CDH13: variants seen among roughly 807,000 people sequenced by gnomAD.
The protein encoded by CDH13 is cadherin 13, also known as cadherin-13.
Under a neutral mutation model 63.8 loss-of-function variants are expected in CDH13, and 24 were observed. The observed-to-expected ratio is 0.38, with a 90% CI of 0.27 to 0.53. The LOEUF (loss-of-function observed/expected upper bound fraction) is 0.53, where lower values mean the gene tolerates loss of function less well. Ranked by LOEUF, CDH13 falls within the 20% of genes least tolerant of loss-of-function variation. CDH13 has a pLI of 0.85. For missense variants in CDH13, 1,049 were observed against 903.1 expected (o/e 1.16, Z -2.07); for synonymous variants, 503 against 355.3 (o/e 1.42, Z -4.67).
chr16:83,327,557 C>G (rs1394429625), intron 5 of CDH13, among the ~76,000 whole-genome samples: 1 of 152,140 alleles, frequency 6.6e-6, no homozygotes, highest in Non-Finnish European at 1.5e-5. Context: ...GGAAACAAGA[C>G]AGACAAATTC....
chr16:83,791,137 G>A (rs1309384844), intron 13 of CDH13, among the ~76,000 whole-genome samples: 1 of 151,890 alleles, frequency 6.6e-6, no homozygotes, highest in African/African-American at 2.4e-5. Context: ...AGGCAAGATA[G>A]TGAGACCCCC....
chr16:83,146,882 G>T (rs1024715503), intron 4 of CDH13, among the ~76,000 whole-genome samples: 1 of 152,238 alleles, frequency 6.6e-6, no homozygotes, highest in Admixed American at 6.5e-5. Context: ...GAGGTCAGGA[G>T]TTCGAAGTTA....
chr16:83,675,394 C>T (rs931350860), intron 9 of CDH13, among the ~76,000 whole-genome samples: 1 of 152,152 alleles, frequency 6.6e-6, no homozygotes, highest in East Asian at 1.9e-4. Flanking sequence ...TTGTATGGCT[C>T]CCTCCCTCGC....
chr16:83,481,787 A>G (rs762336195), intron 6 of CDH13, among the ~76,000 whole-genome samples: 4 of 152,140 alleles, frequency 2.6e-5, no homozygotes, highest in Non-Finnish European at 5.9e-5. Flanking sequence ...ACGGGGGAAA[A>G]GACAGAAATG....
chr16:83,205,121 A>G (rs2039143630), intron 4 of CDH13, among the ~76,000 whole-genome samples: 1 of 152,212 alleles, frequency 6.6e-6, no homozygotes, highest in African/African-American at 2.4e-5. Context: ...TGGGAGGTAC[A>G]GGAGATCCAG....
intron 4 of CDH13, among the ~76,000 whole-genome samples, chr16:83,151,384 G>A (rs1049176980): frequency 2.0e-5 from 3 of 152,030 alleles, no homozygotes; most frequent in East Asian, 1.9e-4. Context: ...TCTTCCCATC[G>A]TTTCCAACCA....
At chr16:83,285,779 T>G (rs980382005) in intron 5 of CDH13, among the ~76,000 whole-genome samples, 2 of 152,134 alleles carry the variant, frequency 1.3e-5, no homozygotes, top group Non-Finnish European at 2.9e-5. Flanking sequence ...TGTAACTGGA[T>G]TCTAGAGCAC....
Position 83,727,483 on chromosome 16 carries a change from G to C in CDH13, c.1539-20625G>C, listed in dbSNP as rs186486442. ...TCTCCCAGCACATCTTCTTCTGCTT[G>C]CTTTATTTAGTGCACACCTATCCAC... On this transcript the variant is annotated intron_variant, in intron 10 of 13. Transcript: ENST00000567109. 6.6e-5 allele frequency among the ~76,000 whole-genome samples: 10 copies of C among 151,656 alleles called. No individual in the cohort carries two copies. In the East Asian group the frequency reaches 2.0e-3, roughly 30 times the overall value.
intron 4 of CDH13, among the ~76,000 whole-genome samples, chr16:83,138,665 C>G (rs1217658183): frequency 6.6e-6 from 1 of 152,146 alleles, no homozygotes; most frequent in Non-Finnish European, 1.5e-5. Context: ...GGACCTTTTT[C>G]TACGGATGAC....
intron 7 of CDH13, among the ~76,000 whole-genome samples, chr16:83,497,437 C>T (rs975084041): frequency 2.0e-5 from 3 of 146,916 alleles, no homozygotes; most frequent in Non-Finnish European, 3.0e-5. Flanking sequence ...CGCATATTCT[C>T]ACTCATAGGT....
intron 6 of CDH13, among the ~76,000 whole-genome samples, chr16:83,435,783 C>A (rs1042217086): frequency 6.6e-6 from 1 of 152,124 alleles, no homozygotes; most frequent in Non-Finnish European, 1.5e-5. Context: ...TCCGTGTTCA[C>A]TAGAGTTGTC....
chr16:83,057,830 T>C (rs1254173043), intron 3 of CDH13, among the ~76,000 whole-genome samples: 1 of 152,210 alleles, frequency 6.6e-6, no homozygotes, highest in African/African-American at 2.4e-5. Context: ...AGCACACTTG[T>C]ATTTTTTATG....
At chr16:82,729,687 G>T (rs1053567763) in intron 1 of CDH13, among the ~76,000 whole-genome samples, 1 of 152,156 alleles carries the variant, frequency 6.6e-6, no homozygotes, top group East Asian at 1.9e-4. Flanking sequence ...TGGCTGTTTA[G>T]CCCCTAACAA....
chr16:82,644,918 G>A lies in CDH13; in HGVS notation c.45+17781G>A, dbSNP rs1210735265. Among the ~76,000 whole-genome samples the A allele has an allele frequency of 1.3e-5, 2 of 152,166 alleles. No homozygotes were observed. The highest frequency in any genetic ancestry group is 1.9e-4 in the East Asian group (1 of 5,186). On this transcript the variant is annotated intron_variant, in intron 1 of 13. Coordinates refer to ENST00000567109, the MANE Select transcript of CDH13 (RefSeq NM_001257.5). This position sits in a 1 kb window ranked among gnomAD's most constrained non-coding sequence, Gnocchi z 5.7. ...GGGTTCTGGGGAAAAAAAATTAGGG[G>A]AATCAAAAAATTACTTGTATAAACT... is the stretch of plus-strand genomic sequence containing the variant.
intron 1 of CDH13, among the ~76,000 whole-genome samples, chr16:82,840,571 G>C (rs558809829): frequency 3.2e-4 from 48 of 151,020 alleles, no homozygotes; most frequent in Non-Finnish European, 3.7e-4. Flanking sequence ...TGTAACCCCA[G>C]CTACTTGGGT....
chr16:82,929,417 TGGA>T (rs2042406060), intron 2 of CDH13, among the ~76,000 whole-genome samples: 1 of 150,450 alleles, frequency 6.6e-6, no homozygotes, highest in South Asian at 2.1e-4. Context: ...TGAGGCGGGG[TGGA>T]TCACAAGGTC....
chr16:83,469,858 G>A (rs1321484405), intron 6 of CDH13, among the ~76,000 whole-genome samples: 1 of 152,228 alleles, frequency 6.6e-6, no homozygotes, highest in East Asian at 1.9e-4. Context: ...GAGATTCTTG[G>A]ATAGTGCAAA....
chr16:82,942,707 C>T (rs34863170), intron 2 of CDH13, among the ~76,000 whole-genome samples: 2 of 151,918 alleles, frequency 1.3e-5, no homozygotes, highest in Non-Finnish European at 2.9e-5. Flanking sequence ...AAGAAGAAGT[C>T]AAATAACCTC....
intron 1 of CDH13, among the ~76,000 whole-genome samples, chr16:82,713,160 T>C (rs568093207): frequency 1.3e-5 from 2 of 152,166 alleles, no homozygotes; most frequent in South Asian, 4.1e-4. Context: ...CAATTTGGGA[T>C]CCCGGTACCA....
Sources: allele counts gnomAD v4.1 joint callset (sites outside exome capture counted in the v4.1 genomes callset), GRCh38; gene constraint gnomAD v4.1.1; non-coding constraint Gnocchi (gnomAD v3.1); transcripts MANE v1.5; gene names NCBI Gene and HGNC (gene_info 2026-07-23, HGNC 2026-07-21).